LRRC37A2: variants seen among roughly 807,000 people sequenced by gnomAD.
LRRC37A2 encodes leucine rich repeat containing 37 member A2.
In LRRC37A2, 9 loss-of-function variants were observed where a neutral mutation model predicts 68.8. The ratio of observed to expected loss-of-function variants is 0.13; its 90% CI spans 0.08 to 0.23. LRRC37A2 has a LOEUF of 0.23. LRRC37A2 is among the 10% of genes least tolerant of loss of function. The pLI is 1.00. For missense variants in LRRC37A2, 168 were observed against 950.4 expected (o/e 0.18, Z 10.82); for synonymous variants, 63 against 367.6 (o/e 0.17, Z 9.48).
chr17:46,858,372 C>T, the LRRC37A2 span, among the ~76,000 whole-genome samples: 1 of 152,204 alleles, frequency 6.6e-6, no homozygotes, highest in South Asian at 2.1e-4. Flanking sequence ...AGTGTATCAA[C>T]CTTTTCTTGT....
At chr17:47,020,849 A>T in the LRRC37A2 span, among the ~76,000 whole-genome samples, 1 of 149,868 alleles carries the variant, frequency 6.7e-6, no homozygotes, top group East Asian at 1.9e-4. Context: ...GGAGGTATAT[A>T]TAATTAAGTA....
the LRRC37A2 span, among the ~76,000 whole-genome samples, chr17:46,765,180 G>A: frequency 6.6e-6 from 1 of 152,194 alleles, no homozygotes; most frequent in African/African-American, 2.4e-5. Context: ...GCTCTTCTAG[G>A]GGGCTGACAA....
chr17:46,851,162 C>T, the LRRC37A2 span, among the ~76,000 whole-genome samples: 2 of 152,042 alleles, frequency 1.3e-5, no homozygotes, highest in African/African-American at 4.8e-5. This position sits in a 1 kb window ranked among gnomAD's most constrained non-coding sequence, Gnocchi z 4.3. Flanking sequence ...GACAATGACC[C>T]GGGTTTTCCA....
the LRRC37A2 span, among the ~76,000 whole-genome samples, chr17:46,944,911 C>A: frequency 6.6e-6 from 1 of 152,134 alleles, no homozygotes; most frequent in Non-Finnish European, 1.5e-5. Flanking sequence ...TAATTTTTAA[C>A]TTTCTAAGGA....
the LRRC37A2 span, among the ~76,000 whole-genome samples, chr17:46,896,226 G>A: frequency 1.3e-4 from 19 of 151,142 alleles, no homozygotes; most frequent in East Asian, 3.9e-4. Flanking sequence ...CCCGGGAGAC[G>A]GAGGTTGCGG....
At chr17:46,848,939 C>G in the LRRC37A2 span, among the ~76,000 whole-genome samples, 1 of 152,172 alleles carries the variant, frequency 6.6e-6, no homozygotes, top group South Asian at 2.1e-4. Context: ...CGTGCACACA[C>G]ACACACACAC....
chr17:46,906,225 C>T, the LRRC37A2 span, among the ~76,000 whole-genome samples: 70 of 152,160 alleles, frequency 4.6e-4, no homozygotes, highest in Non-Finnish European at 9.1e-4. Flanking sequence ...GGACCAGAGG[C>T]TGAGTCAAGG....
the LRRC37A2 span, among the ~76,000 whole-genome samples, chr17:46,835,161 A>AT: frequency 3.3e-4 from 50 of 151,386 alleles, no homozygotes; most frequent in African/African-American, 7.3e-4. Flanking sequence ...CACCTGGCTA[A>AT]TTTTTTTTTA....
the LRRC37A2 span, among the ~76,000 whole-genome samples, chr17:46,890,509 T>G: frequency 6.6e-6 from 1 of 152,196 alleles, no homozygotes; most frequent in Non-Finnish European, 1.5e-5. Flanking sequence ...AGACTCATAC[T>G]GGTGTCGTGT....
chr17:46,913,034 G>A, the LRRC37A2 span, among the ~76,000 whole-genome samples: 3 of 152,212 alleles, frequency 2.0e-5, no homozygotes, highest in Non-Finnish European at 2.9e-5. Flanking sequence ...CCCATGAGGC[G>A]GATGGGAGCA....
At chr17:46,800,020 TGTCCCAGA>T in the LRRC37A2 span, among the ~76,000 whole-genome samples, 1,226 of 152,288 alleles carry the variant, frequency 8.1e-3, 18 homozygotes, top group African/African-American at 0.024. Flanking sequence ...AGGGGAGTGC[TGTCCCAGA>T]GAGTGGGGAC....
At chr17:46,786,253 G>A in the LRRC37A2 span, among the ~76,000 whole-genome samples, 78 of 152,226 alleles carry the variant, frequency 5.1e-4, no homozygotes, top group Non-Finnish European at 9.6e-4. Flanking sequence ...AGGAGTCAAG[G>A]GTGGAAGAAG....
the LRRC37A2 span, among the ~76,000 whole-genome samples, chr17:46,780,239 C>G: frequency 6.6e-6 from 1 of 152,198 alleles, no homozygotes; most frequent in African/African-American, 2.4e-5. Context: ...ACGGCCAATC[C>G]CCTGCTGATG....
At chr17:46,961,713 A>T in the LRRC37A2 span, among the ~76,000 whole-genome samples, 1 of 152,240 alleles carries the variant, frequency 6.6e-6, no homozygotes. Context: ...ATAACGACAT[A>T]GAAAATTTGC....
At chr17:46,891,652 C>T in the LRRC37A2 span, among the ~76,000 whole-genome samples, 9 of 152,130 alleles carry the variant, frequency 5.9e-5, no homozygotes, top group Non-Finnish European at 8.8e-5. Context: ...AAATTATCAC[C>T]GCCATGAAAT....
chr17:46,500,786 T>G, the LRRC37A2 span, among the ~76,000 whole-genome samples: 1 of 151,210 alleles, frequency 6.6e-6, no homozygotes, highest in Non-Finnish European at 1.5e-5. Context: ...TGTATTAATT[T>G]TTACTCATCT....
At chr17:47,021,040 G>C in the LRRC37A2 span, among the ~76,000 whole-genome samples, 1 of 152,030 alleles carries the variant, frequency 6.6e-6, no homozygotes, top group Non-Finnish European at 1.5e-5. Flanking sequence ...GGTATGGTTG[G>C]AATTTAGTAG....
At chr17:46,755,372 A>G in the LRRC37A2 span, 2 of 1,611,060 alleles carry the variant, frequency 1.2e-6, no homozygotes, top group East Asian at 2.2e-5. Flanking sequence ...GAAGGAGCGT[A>G]AGTACATACA....
chr17:46,986,597 G>T, the LRRC37A2 span, among the ~76,000 whole-genome samples: 10 of 152,318 alleles, frequency 6.6e-5, no homozygotes, highest in East Asian at 1.9e-4. Flanking sequence ...CACAACAAGG[G>T]AATGTAGCAA....
Sources: gnomAD v4.1 joint callset for allele counts (sites outside exome capture counted in the v4.1 genomes callset) on GRCh38, gnomAD v4.1.1 for gene constraint, Gnocchi (gnomAD v3.1) non-coding constraint, MANE v1.5 for transcripts, NCBI Gene and HGNC (gene_info 2026-07-23, HGNC 2026-07-21) for gene names.